Variants in MEGF6 observed in about 807,000 individuals in gnomAD.
The protein encoded by MEGF6 is multiple EGF like domains 6, also known as multiple epidermal growth factor-like domains protein 6.
A neutral mutation model predicts 207.1 loss-of-function variants in MEGF6; 184 were observed. The ratio of observed to expected loss-of-function variants is 0.89; its 90% CI spans 0.79 to 1.00. The LOEUF is 1.00. MEGF6 is among the 50% of genes least tolerant of loss of function. The pLI is 0.00. For synonymous variants in MEGF6, 1,038 were observed against 910.0 expected (o/e 1.14, Z -2.53); for missense variants, 2,282 against 2,202.9 (o/e 1.04, Z -0.72).
intron 34 of MEGF6, chr1:3,493,243 G>A (rs900059453): frequency 5.5e-5 from 12 of 216,488 alleles, no homozygotes; most frequent in South Asian, 3.4e-4. Flanking sequence ...CCTATCCTCA[G>A]GTGAGCCCCT....
Position 3,543,000 on chromosome 1 carries a change from T to C in MEGF6, c.482-18754A>G, listed in dbSNP as rs986303671. Among the ~76,000 whole-genome samples, 13 of 152,058 alleles carry C rather than the reference T, an allele frequency of 8.5e-5. 1 individual carries two copies. The highest frequency in any genetic ancestry group is 2.9e-4 in the African/African-American group (12 of 41,396). On this transcript the variant is annotated intron_variant, in intron 4 of 36. Coordinates refer to ENST00000356575, the MANE Select transcript of MEGF6 (RefSeq NM_001409.4). ...GGGGCCTGGGAGGAGGGTGGGCACA[T>C]GTCAGAGGCCGTGCCCTGCCCAGGA...
At position 3,489,728 on chromosome 1, in the gene MEGF6, C is replaced by A. The variant is rs1419871350; in HGVS notation, c.*800G>T. Among the ~76,000 whole-genome samples, 1 of 152,200 alleles carries A rather than the reference C, an allele frequency of 6.6e-6. No homozygotes were observed. The highest frequency in any genetic ancestry group is 2.4e-5 in the African/African-American group (1 of 41,464). On this transcript the variant is annotated 3_prime_UTR_variant, in exon 37 of 37. Coordinates refer to ENST00000356575, the MANE Select transcript of MEGF6 (RefSeq NM_001409.4). ...CTCTGGGTCTCAGCGGTAATGAATG[C>A]AGCCCCAGCGTTCTCCTCAATAGCA...
In MEGF6 at chr1:3,531,032, G is replaced by A. The variant is rs992474271; in HGVS notation, c.482-6786C>T. 4.9e-6 allele frequency: 7 copies of A among 1,439,406 alleles called. No homozygotes were observed. In the East Asian group the frequency reaches 8.8e-5, roughly 18 times the overall value. The allele number at this position is 1,439,406 out of a possible 1,614,324, so 89.2% of individuals were successfully genotyped here. A position where few individuals can be genotyped will look rare whatever the true frequency, so the allele number is the denominator to read the frequency against. ...ACAGGAAACAAAGGGAGCGCGCCGG[G>A]GAGCGCCCTGGCCCCGCCCGCCCTG... On this transcript the variant is annotated intron_variant, in intron 4 of 36. Transcript: ENST00000356575.
At chr1:3,562,633 C>T (rs1643234999) in intron 4 of MEGF6, among the ~76,000 whole-genome samples, 1 of 152,258 alleles carries the variant, frequency 6.6e-6, no homozygotes, top group African/African-American at 2.4e-5. Context: ...TTAAGCAGAG[C>T]TCAGACCCCC....
At chr1:3,510,950 G>T (rs777035113) in intron 9 of MEGF6, 48 bp from the exon 10 acceptor site, 1 of 1,565,348 alleles carries the variant, frequency 6.4e-7, no homozygotes, top group South Asian at 1.2e-5. Flanking sequence ...ACCTGCACGT[G>T]CACACGCCCC....
chr1:3,611,800 C>G (rs2101920857), upstream of MEGF6, among the ~76,000 whole-genome samples: 1 of 150,358 alleles, frequency 6.7e-6, no homozygotes, highest in African/African-American at 2.4e-5. Flanking sequence ...GCGGGGCTGG[C>G]GCAGCCCCTT....
chr1:3,506,316 G>T, intron 14 of MEGF6, 80 bp from the exon 15 acceptor site: 1 of 1,510,596 alleles, frequency 6.6e-7, no homozygotes, highest in Non-Finnish European at 8.9e-7. Context: ...TAGGATGCGC[G>T]GGGGCCCAGG....
Position 3,511,624 on chromosome 1 carries a change from C to T in MEGF6, c.1040G>A (p.Ser347Asn). The stretch of plus-strand genomic sequence containing the variant: ...GCACAGGGGCCCAGCACTGGTGTGG[C>T]TGCAGCCATGGGAGCAGCCGCCGTT... ...ANNGGCSHGC[S>N]HTSAGPLCTC... Residue 347 changes from serine (S) to asparagine (N), a missense_variant, in exon 9 of 37, where the codon AGC becomes AAC. Physicochemically the swap from Ser to Asn is conservative, Grantham distance 46. Coordinates refer to ENST00000356575, the MANE Select transcript of MEGF6 (RefSeq NM_001409.4). 1 of 1,612,404 alleles carries T rather than the reference C, an allele frequency of 6.2e-7. No individual in the cohort carries two copies. The highest frequency in any genetic ancestry group is 8.5e-7 in the Non-Finnish European group (1 of 1,179,604).
chr1:3,506,387 G>A, intron 14 of MEGF6, 151 bp from the exon 15 acceptor site: 11 of 1,004,870 alleles, frequency 1.1e-5, no homozygotes, highest in Non-Finnish European at 1.6e-5. Flanking sequence ...TCCGGATGTG[G>A]CCGTCTGCCC....
intron 4 of MEGF6, among the ~76,000 whole-genome samples, chr1:3,552,259 G>A (rs895096474): frequency 6.6e-6 from 1 of 152,246 alleles, no homozygotes; most frequent in Non-Finnish European, 1.5e-5. Context: ...CTCCCAGGCA[G>A]GGCCTTCTCC....
chr1:3,562,446 C>T (rs1364618360), intron 4 of MEGF6, among the ~76,000 whole-genome samples: 3 of 152,206 alleles, frequency 2.0e-5, no homozygotes, highest in Non-Finnish European at 4.4e-5. Context: ...CCCAGATCCC[C>T]AAACCCTCGC....
At chr1:3,531,105 G>A (rs1464785362) in intron 4 of MEGF6, 11 of 1,527,854 alleles carry the variant, frequency 7.2e-6, no homozygotes, top group Non-Finnish European at 9.7e-6. Flanking sequence ...CGGCGCTCAC[G>A]GGGTAGCCGG....
chr1:3,518,569 T>C (rs1641629151), intron 5 of MEGF6, among the ~76,000 whole-genome samples: 1 of 152,222 alleles, frequency 6.6e-6, no homozygotes, highest in Admixed American at 6.5e-5. Context: ...ACTGGCGGGC[T>C]GCGCCGAGGC....
At chr1:3,492,360 G>T (rs999979683) in intron 35 of MEGF6, among the ~76,000 whole-genome samples, 8 of 152,152 alleles carry the variant, frequency 5.3e-5, no homozygotes, top group Non-Finnish European at 1.2e-4. Flanking sequence ...GCCCACCCTT[G>T]CAGCTGTTGG....
Position 3,552,120 on chromosome 1 carries a change from C to T in MEGF6, c.481+27705G>A, listed in dbSNP as rs375527867. Among the ~76,000 whole-genome samples, 720 of 152,368 alleles carry T rather than the reference C, an allele frequency of 4.7e-3. 12 individuals are homozygous for T. In the South Asian group the frequency reaches 0.057, roughly 12 times the overall value. On this transcript the variant is annotated intron_variant, in intron 4 of 36. Transcript: ENST00000356575. ...TCTCACCCAACCCTCAGGACCCCAGCGGTGGCTCCCCTCAGGATTGCCACT... is the reference window on the plus strand; with the variant it reads ...TCTCACCCAACCCTCAGGACCCCAGTGGTGGCTCCCCTCAGGATTGCCACT...
At chr1:3,506,373 G>A in intron 14 of MEGF6, 137 bp from the exon 15 acceptor site, 1 of 1,124,898 alleles carries the variant, frequency 8.9e-7, no homozygotes, top group Non-Finnish European at 1.2e-6. Context: ...CACTAGGTGA[G>A]CCTTCCGGAT....
chr1:3,538,456 A>AC (rs768032097), intron 4 of MEGF6, among the ~76,000 whole-genome samples: 20 of 152,138 alleles, frequency 1.3e-4, no homozygotes, highest in Non-Finnish European at 2.6e-4. Context: ...GAAAATTGAA[A>AC]CCACCGCTGT....
rs116637505 is a variant in MEGF6, at chr1:3,584,991, G to A, written c.377-5062C>T. Among the ~76,000 whole-genome samples the A allele has an allele frequency of 4.0e-3, 606 of 152,390 alleles. 2 individuals carry two copies. The highest frequency in any genetic ancestry group is 0.014 in the African/African-American group (576 of 41,602). On this transcript the variant is annotated intron_variant, in intron 3 of 36. Transcript: ENST00000356575. ...AGGTTCTGGGCCAGGTGTGAGGATG[G>A]AGCTGCAGCCATGAATGGGAGCAGG...
intron 23 of MEGF6, 92 bp from the exon 24 acceptor site, chr1:3,499,358 TC>T (rs1640753005): frequency 8.2e-6 from 12 of 1,472,186 alleles, no homozygotes; most frequent in Non-Finnish European, 1.1e-5. Context: ...TCTGCCGGGG[TC>T]CCCTCGGCTG....
Sources: allele counts gnomAD v4.1 joint callset (sites outside exome capture counted in the v4.1 genomes callset), GRCh38; gene constraint gnomAD v4.1.1; transcripts MANE v1.5; gene names NCBI Gene and HGNC (gene_info 2026-07-23, HGNC 2026-07-21).